TENM1: variants seen among roughly 807,000 people sequenced by gnomAD.
TENM1 encodes the protein teneurin-1.
A neutral mutation model predicts 174.8 loss-of-function variants in TENM1; 35 were observed. The observed-to-expected ratio is 0.20, with a 90% CI of 0.15 to 0.27. The LOEUF is 0.27. Ranked by LOEUF, TENM1 falls within the 10% of genes least tolerant of loss-of-function variation. The pLI is 1.00. For missense variants in TENM1, 1,633 were observed against 2,130.1 expected, an observed-to-expected ratio of 0.77 and a Z score of 4.59; for synonymous variants, 781 against 798.7, an observed-to-expected ratio of 0.98 and a Z score of 0.37.
chrX:125,040,674 CTTTGATTAATT>C, the TENM1 span, among the ~76,000 whole-genome samples: 2 of 111,135 alleles, frequency 1.8e-5, no homozygotes, highest in African/African-American at 6.5e-5. Flanking sequence ...GCAAAACATA[CTTTGATTAATT>C]AGATTCCATT....
At chrX:124,617,939 T>C (rs1434656434) in intron 11 of TENM1, among the ~76,000 whole-genome samples, 1 of 111,899 alleles carries the variant, frequency 8.9e-6, no homozygotes, top group Non-Finnish European at 1.9e-5. Flanking sequence ...ACTCCATTCA[T>C]AGCCATAATA....
At chrX:125,149,514 C>T in the TENM1 span, among the ~76,000 whole-genome samples, 4 of 111,896 alleles carry the variant, frequency 3.6e-5, no homozygotes, top group Non-Finnish European at 5.6e-5. Flanking sequence ...GGAAATATTT[C>T]GTTCTTAATG....
At chrX:124,849,060 T>C (rs187472465) in intron 3 of TENM1, among the ~76,000 whole-genome samples, 36 of 111,459 alleles carry the variant, frequency 3.2e-4, no homozygotes, top group South Asian at 7.5e-4. Flanking sequence ...CCTTCAATAA[T>C]CTCCAAAATA....
intron 5 of TENM1, among the ~76,000 whole-genome samples, chrX:124,686,259 T>C (rs2052363125): frequency 9.0e-6 from 1 of 111,460 alleles, no homozygotes; most frequent in African/African-American, 3.3e-5. Context: ...GGCAAAGCTG[T>C]TCTTCAGAAA....
chrX:124,649,423 G>A (rs1355870934), intron 8 of TENM1, among the ~76,000 whole-genome samples: 1 of 112,533 alleles, frequency 8.9e-6, no homozygotes, highest in Admixed American at 9.4e-5. Flanking sequence ...CTTGCTGTCT[G>A]TGAGACCTTG....
intron 15 of TENM1, among the ~76,000 whole-genome samples, chrX:124,538,900 A>G (rs1261407302): frequency 9.0e-6 from 1 of 111,446 alleles, no homozygotes; most frequent in African/African-American, 3.3e-5. Context: ...TCAATATTTG[A>G]TTTATTCTAG....
intron 3 of TENM1, among the ~76,000 whole-genome samples, chrX:124,872,458 A>G (rs2057128085): frequency 8.9e-6 from 1 of 111,995 alleles, no homozygotes; most frequent in Non-Finnish European, 1.9e-5. Flanking sequence ...TTTCACTTAC[A>G]AACATCAAAA....
the TENM1 span, among the ~76,000 whole-genome samples, chrX:125,032,272 C>T: frequency 9.1e-6 from 1 of 109,796 alleles, no homozygotes; most frequent in African/African-American, 3.3e-5. Flanking sequence ...TGAGTTCAAG[C>T]TATTCTCCTA....
At chrX:124,651,186 TA>T (rs960499022) in intron 8 of TENM1, among the ~76,000 whole-genome samples, 2 of 111,873 alleles carry the variant, frequency 1.8e-5, no homozygotes, top group African/African-American at 6.5e-5. Flanking sequence ...TTCAGGACTC[TA>T]AAATTGCTAA....
intron 3 of TENM1, among the ~76,000 whole-genome samples, chrX:124,843,203 G>T (rs1443409248): frequency 9.0e-6 from 1 of 111,540 alleles, no homozygotes; most frequent in Non-Finnish European, 1.9e-5. Flanking sequence ...AATCAACAGT[G>T]CACCTGTAAT....
chrX:125,045,052 T>TA, the TENM1 span, among the ~76,000 whole-genome samples: 1 of 111,299 alleles, frequency 9.0e-6, no homozygotes, highest in Non-Finnish European at 1.9e-5. Context: ...TCACGAGACT[T>TA]ACAATCACAG....
the TENM1 span, among the ~76,000 whole-genome samples, chrX:125,028,834 TG>T: frequency 4.0e-4 from 44 of 110,926 alleles, no homozygotes; most frequent in Non-Finnish European, 1.3e-4. Flanking sequence ...AAGAATGGCA[TG>T]GGGGGGACAT....
At chrX:125,195,677 G>A in the TENM1 span, among the ~76,000 whole-genome samples, 1 of 111,379 alleles carries the variant, frequency 9.0e-6, no homozygotes, top group Admixed American at 9.6e-5. Flanking sequence ...TGTACTAGCA[G>A]CATATGAATA....
exon 12 of TENM1, chrX:124,565,453 G>A (rs2048919795): frequency 8.3e-7 from 1 of 1,209,793 alleles, no homozygotes; most frequent in Non-Finnish European, 1.1e-6. Context: ...TCAGTACAAT[G>A]AGAATGACAG....
chrX:125,047,261 G>T, the TENM1 span, among the ~76,000 whole-genome samples: 6 of 111,570 alleles, frequency 5.4e-5, no homozygotes, highest in Admixed American at 5.7e-4. Context: ...ATAAGTGTTT[G>T]AAGCTTATAC....
At chrX:124,651,794 A>G (rs1231937516) in intron 8 of TENM1, 120 bp downstream of exon 11, 3 of 1,005,062 alleles carry the variant, frequency 3.0e-6, no homozygotes, top group Non-Finnish European at 3.9e-6. Flanking sequence ...ACCTTTCCTC[A>G]ATAATGACTT....
intron 20 of TENM1, among the ~76,000 whole-genome samples, chrX:124,490,031 G>A (rs1198941044): frequency 9.0e-6 from 1 of 111,581 alleles, no homozygotes; most frequent in Non-Finnish European, 1.9e-5. Flanking sequence ...TTAGGGCCCT[G>A]TTTTCAGCTA....
intron 5 of TENM1, among the ~76,000 whole-genome samples, chrX:124,692,729 G>A (rs182919875): frequency 2.7e-5 from 3 of 109,181 alleles, no homozygotes; most frequent in South Asian, 3.9e-4. Flanking sequence ...AATTCTGGCC[G>A]GGCACGGTGG....
chrX:124,531,928 G>T (rs1214588338), intron 15 of TENM1, among the ~76,000 whole-genome samples: 1 of 112,182 alleles, frequency 8.9e-6, no homozygotes, highest in Non-Finnish European at 1.9e-5. Flanking sequence ...CTTTTGACAA[G>T]GTGGGTGTAG....
Sources: gnomAD v4.1 joint callset for allele counts (sites outside exome capture counted in the v4.1 genomes callset) on GRCh38, gnomAD v4.1.1 for gene constraint, MANE v1.5 for transcripts, NCBI Gene and HGNC (gene_info 2026-07-23, HGNC 2026-07-21) for gene names.